Variants in NLRP2B observed in about 807,000 individuals in gnomAD.
NLRP2B encodes the protein NLR family pyrin domain containing 2B.
For missense variants in NLRP2B, 25 were observed against 6.8 expected (o/e 3.70, Z -3.00); for synonymous variants, 16 against 3.5 (o/e 4.63, Z -4.03).
Position 57,678,638 on chromosome X carries a change from C to A in NLRP2B, c.*1485G>T, listed in dbSNP as rs1484336228. On this transcript the variant is annotated 3_prime_UTR_variant, in exon 1 of 1. Coordinates refer to ENST00000434992, the MANE Select transcript of NLRP2B (RefSeq NM_001319967.1). ...ATCAGGTCGGGGTTCTTGAGTCTTT[C>A]TTCTCTAGAAAACAGCTTCTGCACG... is the stretch of plus-strand genomic sequence containing the variant. The A allele has an allele frequency of 9.1e-6, 4 of 439,840 alleles. No homozygotes were observed. Among genetic ancestry groups the A allele is most frequent in the Non-Finnish European group, 1.3e-5 (3 of 239,971 alleles). The allele number at this position is 439,840 out of a possible 1,213,427, so 36.2% of individuals were successfully genotyped here.
chrX:57,678,350 T>A lies in NLRP2B; in HGVS notation c.*1773A>T. 1.9e-6 allele frequency: 1 copy of A among 532,977 alleles called. No homozygotes were observed. 43.9% of individuals were successfully genotyped at this position (532,977 alleles called of 1,213,427 possible). A position where few individuals can be genotyped will look rare whatever the true frequency, so the allele number is the denominator to read the frequency against. ...TGCTTGAGGCAGATTGAAAACAGCA[T>A]AATGTCTACTGCATTTAAGTGCAGG... On this transcript the variant is annotated 3_prime_UTR_variant, in exon 1 of 1. Transcript: ENST00000434992.
chrX:57,679,376 G>A lies in NLRP2B; in HGVS notation c.*747C>T. 1.3e-6 allele frequency: 1 copy of A among 755,521 alleles called. No homozygotes were observed. Among genetic ancestry groups the A allele is most frequent in the Non-Finnish European group, 2.0e-6 (1 of 489,068 alleles). The allele number at this position is 755,521 out of a possible 1,213,427, so 62.3% of individuals were successfully genotyped here. The stretch of plus-strand genomic sequence containing the variant: ...CAGATGTCCTAGATCAGTGCCCCAG[G>A]TGGGGCTCCCAGCTCATCAAAGCCG... On this transcript the variant is annotated 3_prime_UTR_variant, in exon 1 of 1. Coordinates refer to ENST00000434992, the MANE Select transcript of NLRP2B (RefSeq NM_001319967.1).
At position 57,679,000 on chromosome X, in the gene NLRP2B, C is replaced by A. The variant is rs770256657; in HGVS notation, c.*1123G>T. The stretch of plus-strand genomic sequence containing the variant: ...AAGGAAGCGCAGGAACAGCCCCGTG[C>A]GGGTGGGGCGGGTCCTTCCCCTTCT... On this transcript the variant is annotated 3_prime_UTR_variant, in exon 1 of 1. Coordinates refer to ENST00000434992, the MANE Select transcript of NLRP2B (RefSeq NM_001319967.1). 1.4e-5 allele frequency: 6 copies of A among 439,058 alleles called. No individual in the cohort carries two copies. Among genetic ancestry groups the A allele is most frequent in the East Asian group, 5.5e-5 (1 of 18,136 alleles). The allele number at this position is 439,058 out of a possible 1,213,427, so 36.2% of individuals were successfully genotyped here. A position where few individuals can be genotyped will look rare whatever the true frequency, so the allele number is the denominator to read the frequency against.
Sources: gnomAD v4.1 joint callset for allele counts on GRCh38, gnomAD v4.1.1 for gene constraint, MANE v1.5 for transcripts, NCBI Gene and HGNC (gene_info 2026-07-23, HGNC 2026-07-21) for gene names.